AFF2: variants seen among roughly 807,000 people sequenced by gnomAD.
AFF2 encodes AF4/FMR2 family member 2.
Under a neutral mutation model 76.9 loss-of-function variants are expected in AFF2, and 14 were observed. That is an observed-to-expected ratio of 0.18 (90% CI 0.12 to 0.28). The LOEUF (loss-of-function observed/expected upper bound fraction) is 0.28, where lower values mean the gene tolerates loss of function less well. AFF2 is among the 10% of genes least tolerant of loss of function. AFF2 has a pLI of 1.00. For synonymous variants in AFF2, 398 were observed against 366.7 expected, an observed-to-expected ratio of 1.09 and a Z score of -0.98; for missense variants, 868 against 1,001.1, an observed-to-expected ratio of 0.87 and a Z score of 1.79.
chrX:148,706,688 T>G (rs782559859), intron 3 of AFF2, among the ~76,000 whole-genome samples: 1 of 112,756 alleles, frequency 8.9e-6, no homozygotes, highest in Non-Finnish European at 1.9e-5. Flanking sequence ...AGAGATCACT[T>G]GAAATGCTTA....
At chrX:148,586,972 T>C (rs1373873374) in intron 1 of AFF2, among the ~76,000 whole-genome samples, 8 of 111,328 alleles carry the variant, frequency 7.2e-5, no homozygotes, top group Non-Finnish European at 1.5e-4. Flanking sequence ...CCTTCCATAT[T>C]TTCTTCCAAC....
Position 148,747,677 on chromosome X carries a change from A to T in AFF2, c.1042-62199A>T, listed in dbSNP as rs147993255. Among the ~76,000 whole-genome samples, 882 of 111,587 alleles carry T rather than the reference A, an allele frequency of 7.9e-3. 20 individuals carry two copies. The highest frequency in any genetic ancestry group is 0.074 in the Admixed American group (777 of 10,460). The stretch of plus-strand genomic sequence containing the variant: ...ATCATACTAAACTGAGCTACATTAG[A>T]TCAACTCGAAATCTTTTAGACTCTC... On this transcript the variant is annotated intron_variant, in intron 3 of 20. Transcript: ENST00000370460.
At chrX:148,932,918 C>T (rs782380830) in intron 9 of AFF2, among the ~76,000 whole-genome samples, 3 of 112,324 alleles carry the variant, frequency 2.7e-5, no homozygotes, top group East Asian at 2.8e-4. Flanking sequence ...CAAAGCTCTG[C>T]GCTAGTGGAG....
intron 20 of AFF2, among the ~76,000 whole-genome samples, chrX:148,989,937 A>C (rs1444298848): frequency 8.9e-6 from 1 of 112,120 alleles, no homozygotes; most frequent in Non-Finnish European, 1.9e-5. Context: ...GTGTCTAATT[A>C]AGAATGCCAC....
chrX:148,517,803 G>C (rs186276125), intron 1 of AFF2, among the ~76,000 whole-genome samples: 2,211 of 109,521 alleles, frequency 0.02, 45 homozygotes, highest in African/African-American at 0.068. Flanking sequence ...GGATCACGAG[G>C]TCAGGAGATC....
At chrX:148,888,889 G>GGTC (rs2071191147) in intron 8 of AFF2, among the ~76,000 whole-genome samples, 12 of 111,673 alleles carry the variant, frequency 1.1e-4, no homozygotes, top group Non-Finnish European at 2.1e-4. Flanking sequence ...CCATAAAACT[G>GGTC]TGCTCAAGAG....
At chrX:148,848,518 A>G (rs2070694974) in intron 7 of AFF2, among the ~76,000 whole-genome samples, 1 of 112,657 alleles carries the variant, frequency 8.9e-6, no homozygotes, top group African/African-American at 3.2e-5. Flanking sequence ...GCATTATTGC[A>G]GAGCAATAAC....
chrX:148,796,872 A>G (rs1302224916), intron 3 of AFF2, among the ~76,000 whole-genome samples: 1 of 112,389 alleles, frequency 8.9e-6, no homozygotes, highest in Non-Finnish European at 1.9e-5. Context: ...CCATTTAGCA[A>G]TAACCTCATA....
At chrX:148,581,540 A>C (rs1225294466) in intron 1 of AFF2, among the ~76,000 whole-genome samples, 1 of 95,036 alleles carries the variant, frequency 1.1e-5, no homozygotes, top group African/African-American at 4.1e-5. Context: ...ATATATACGT[A>C]TACGTCTACG....
intron 15 of AFF2, among the ~76,000 whole-genome samples, chrX:148,968,250 C>A (rs1360369831): frequency 9.0e-6 from 1 of 111,573 alleles, no homozygotes; most frequent in Non-Finnish European, 1.9e-5. Flanking sequence ...CAGCTGCCTC[C>A]AAGGGTTTTA....
chrX:148,538,734 C>T (rs1205642424), intron 1 of AFF2, among the ~76,000 whole-genome samples: 3 of 112,062 alleles, frequency 2.7e-5, no homozygotes, highest in African/African-American at 9.7e-5. Flanking sequence ...ATTACACTAA[C>T]CTTATTAAAG....
intron 1 of AFF2, 94 bp from the exon 2 acceptor site, chrX:148,651,905 A>G (rs2054205713): frequency 2.3e-6 from 2 of 883,846 alleles, no homozygotes; most frequent in African/African-American, 2.0e-5. Context: ...AGTTGACTTG[A>G]ATTTTTTTCT....
rs1557287656 is a variant in AFF2 at position 148,958,468 on chromosome X, C to T, written c.2690+10C>T. 1 of 1,202,843 alleles carries T rather than the reference C, an allele frequency of 8.3e-7. No individual in the cohort carries two copies. The highest frequency in any genetic ancestry group is 3.0e-5 in the East Asian group (1 of 33,548). On this transcript the variant is annotated intron_variant, in intron 12 of 20. Coordinates refer to ENST00000370460, the MANE Select transcript of AFF2 (RefSeq NM_002025.4). ...CTCCCAACACTAGAGAGTGAGTTTG[C>T]CCTGGCCCTGTCTGATGGCTTGGTA...
Position 148,580,729 on chromosome X carries a change from A to G in AFF2, c.48-71270A>G, listed in dbSNP as rs782508634. ...GTTCATAACAGTTTTATATATATATATGTGTGTGTGTGTGTGTATATATAT... is the reference window on the plus strand; with the variant it reads ...GTTCATAACAGTTTTATATATATATGTGTGTGTGTGTGTGTGTATATATAT... On this transcript the variant is annotated intron_variant, in intron 1 of 20. Coordinates refer to ENST00000370460, the MANE Select transcript of AFF2 (RefSeq NM_002025.4). Among the ~76,000 whole-genome samples, 53 of 63,508 alleles carry G rather than the reference A, an allele frequency of 8.3e-4. No homozygotes were observed. The East Asian group carries it at 9.0e-3, about 11-fold the overall frequency. The allele number at this position is 63,508 out of a possible 115,157, so 55.1% of individuals were successfully genotyped here. A position where few individuals can be genotyped will look rare whatever the true frequency, so the allele number is the denominator to read the frequency against.
At chrX:148,943,215 TTACAA>T (rs1388951283) in intron 9 of AFF2, among the ~76,000 whole-genome samples, 1 of 112,362 alleles carries the variant, frequency 8.9e-6, no homozygotes, top group Non-Finnish European at 1.9e-5. Context: ...ATGATCGTGT[TTACAA>T]TACAATTATG....
intron 17 of AFF2, 81 bp downstream of exon 17, chrX:148,978,085 A>G (rs2072348401): frequency 4.4e-6 from 3 of 677,904 alleles, no homozygotes; most frequent in South Asian, 4.8e-5. Context: ...TAAGCTGCTT[A>G]CCCCAGATCA....
chrX:148,925,846 C>A (rs1286433878), intron 9 of AFF2, among the ~76,000 whole-genome samples: 1 of 111,911 alleles, frequency 8.9e-6, no homozygotes, highest in South Asian at 3.7e-4. Context: ...GATAGCCTAC[C>A]AGCTGGGTTC....
In AFF2 at chrX:148,694,318, A is replaced by G. The variant is rs1343449224; in HGVS notation, c.1041+31550A>G. On this transcript the variant is annotated intron_variant, in intron 3 of 20. Transcript: ENST00000370460. ...GTACCCTAAAACTTAAAGTATAATA[A>G]TAAAAAAAAAGAATGAAACACCAGC... is the stretch of plus-strand genomic sequence containing the variant. 2.7e-5 allele frequency among the ~76,000 whole-genome samples: 3 copies of G among 111,534 alleles called. No homozygotes were observed. The East Asian group carries it at 8.4e-4, about 31-fold the overall frequency.
At chrX:148,853,581 G>A (rs1252846826) in intron 7 of AFF2, among the ~76,000 whole-genome samples, 2 of 112,072 alleles carry the variant, frequency 1.8e-5, no homozygotes, top group African/African-American at 3.2e-5. Flanking sequence ...GGAAAGTCAT[G>A]CCCAGGTGAC....
Sources: gnomAD v4.1 joint callset for allele counts (sites outside exome capture counted in the v4.1 genomes callset) on GRCh38, gnomAD v4.1.1 for gene constraint, MANE v1.5 for transcripts, NCBI Gene and HGNC (gene_info 2026-07-23, HGNC 2026-07-21) for gene names.